The following SH3GL3 variants were observed in gnomAD, a reference collection of about 807,000 sequenced individuals.
SH3GL3 encodes endophilin-A3.
Under a neutral mutation model 47.7 loss-of-function variants are expected in SH3GL3, and 33 were observed. The observed-to-expected ratio is 0.69, with a 90% CI of 0.52 to 0.92. The LOEUF is 0.92. Ranked by LOEUF, SH3GL3 falls within the 40% of genes least tolerant of loss-of-function variation. The pLI, the probability that SH3GL3 is intolerant of heterozygous loss-of-function variation, is 0.00. For synonymous variants in SH3GL3, 155 were observed against 148.8 expected (o/e 1.04, Z -0.30); for missense variants, 363 against 417.8 (o/e 0.87, Z 1.14).
intron 1 of SH3GL3, among the ~76,000 whole-genome samples, chr15:83,466,417 T>C (rs1352803106): frequency 6.6e-6 from 1 of 151,754 alleles, no homozygotes; most frequent in Non-Finnish European, 1.5e-5. Flanking sequence ...TGTTAGAATA[T>C]ATATATATAT....
the SH3GL3 span, among the ~76,000 whole-genome samples, chr15:83,629,042 C>G: frequency 6.6e-6 from 1 of 152,044 alleles, no homozygotes; most frequent in African/African-American, 2.4e-5. Flanking sequence ...AGTATTTTAA[C>G]AAAAGATATG....
intron 1 of SH3GL3, among the ~76,000 whole-genome samples, chr15:83,472,173 T>C (rs911426225): frequency 1.3e-5 from 2 of 152,226 alleles, no homozygotes; most frequent in Non-Finnish European, 2.9e-5. Flanking sequence ...CGTGAGCCAC[T>C]GTGCCCGGCT....
chr15:83,516,277 A>G (rs1017963803), intron 1 of SH3GL3, among the ~76,000 whole-genome samples: 6 of 152,302 alleles, frequency 3.9e-5, no homozygotes, highest in East Asian at 1.9e-4. Flanking sequence ...GAACTAGGAC[A>G]TTGCTAGCAT....
chr15:83,450,378 A>T (rs963515982), intron 1 of SH3GL3, among the ~76,000 whole-genome samples: 8 of 152,230 alleles, frequency 5.3e-5, no homozygotes, highest in Non-Finnish European at 1.2e-4. Flanking sequence ...TCAGAGTAAG[A>T]CAAAGATGAT....
At chr15:83,616,115 CA>C (rs2060805767) in intron 8 of SH3GL3, among the ~76,000 whole-genome samples, 1 of 151,910 alleles carries the variant, frequency 6.6e-6, no homozygotes, top group Non-Finnish European at 1.5e-5. Context: ...ATGTTTGTAC[CA>C]GAAATGACAG....
intron 8 of SH3GL3, among the ~76,000 whole-genome samples, chr15:83,601,270 G>A (rs922149272): frequency 6.6e-6 from 1 of 152,174 alleles, no homozygotes; most frequent in Non-Finnish European, 1.5e-5. Context: ...TCCTTGTCTT[G>A]TTCCAGTTCT....
chr15:83,490,246 G>A (rs2041818203), intron 1 of SH3GL3, among the ~76,000 whole-genome samples: 1 of 150,962 alleles, frequency 6.6e-6, no homozygotes, highest in Non-Finnish European at 1.5e-5. Context: ...TGTTAACACT[G>A]CCCCTTTAGT....
At chr15:83,602,355 G>T (rs2060408523) in intron 8 of SH3GL3, among the ~76,000 whole-genome samples, 1 of 152,150 alleles carries the variant, frequency 6.6e-6, no homozygotes, top group Non-Finnish European at 1.5e-5. Context: ...AGACTGGGTA[G>T]CTTTTACTTA....
intron 1 of SH3GL3, among the ~76,000 whole-genome samples, chr15:83,482,588 G>C (rs1198690894): frequency 6.6e-6 from 1 of 151,726 alleles, no homozygotes; most frequent in Admixed American, 6.6e-5. Flanking sequence ...CCACCTCCCA[G>C]GTTCAAGCGA....
At chr15:83,476,098 AGTCAAATAGTAT>A (rs2041082390) in intron 1 of SH3GL3, among the ~76,000 whole-genome samples, 1 of 152,364 alleles carries the variant, frequency 6.6e-6, no homozygotes, top group South Asian at 2.1e-4. Context: ...TAGTATAAAC[AGTCAAATAGTAT>A]GTCAAATAGT....
At chr15:83,537,064 A>C (rs1032282564) in intron 1 of SH3GL3, among the ~76,000 whole-genome samples, 5 of 152,110 alleles carry the variant, frequency 3.3e-5, no homozygotes, top group African/African-American at 1.2e-4. Flanking sequence ...TACTGGAAGG[A>C]CTGAGTATAG....
chr15:83,566,359 AGAGAGAGTGTGT>A (rs1260403903), intron 3 of SH3GL3, among the ~76,000 whole-genome samples: 8 of 119,844 alleles, frequency 6.7e-5, no homozygotes, highest in African/African-American at 2.5e-4. Context: ...AGAGAGAGAG[AGAGAGAGTGTGT>A]GTGTGTGTGT....
intron 6 of SH3GL3, among the ~76,000 whole-genome samples, chr15:83,579,936 C>T (rs986914838): frequency 6.6e-6 from 1 of 152,196 alleles, no homozygotes; most frequent in South Asian, 2.1e-4. Flanking sequence ...GCTGGTCACT[C>T]CTTGGACCTG....
At chr15:83,605,880 A>C (rs1453270974) in intron 8 of SH3GL3, among the ~76,000 whole-genome samples, 1 of 152,190 alleles carries the variant, frequency 6.6e-6, no homozygotes, top group Non-Finnish European at 1.5e-5. Context: ...TGTAGCTCCC[A>C]GAAAACCACT....
intron 1 of SH3GL3, among the ~76,000 whole-genome samples, chr15:83,549,794 A>G (rs2044572914): frequency 1.3e-5 from 2 of 152,092 alleles, no homozygotes; most frequent in Middle Eastern, 3.4e-3. Context: ...GTGTATTCCA[A>G]TTTTTCTCTT....
At position 83,575,770 on chromosome 15, in the gene SH3GL3, G is replaced by C. The variant is rs552960155; in HGVS notation, c.466-813G>C. 1.7e-4 allele frequency among the ~76,000 whole-genome samples: 26 copies of C among 152,282 alleles called. No individual in the cohort carries two copies. In the East Asian group the frequency reaches 4.4e-3, roughly 26 times the overall value. On this transcript the variant is annotated intron_variant, in intron 5 of 8. Transcript: ENST00000427482. ...GCGAGCTATCCCCATGCTTCAGTGG[G>C]ATGATCAGTTTCTACATACACTTTC... is the stretch of plus-strand genomic sequence containing the variant.
rs543336386 is a variant in SH3GL3, at chr15:83,566,616, C to T, written c.187+1410C>T. Reference sequence around the variant, plus strand: ...GTAGCAAGACTCTATGTCTACAAAACATTTTCAAAATTAGCCAGGTGTGGT... The same window carrying T: ...GTAGCAAGACTCTATGTCTACAAAATATTTTCAAAATTAGCCAGGTGTGGT... On this transcript the variant is annotated intron_variant, in intron 3 of 8. Transcript: ENST00000427482. Among the ~76,000 whole-genome samples, 10 of 152,250 alleles carry T rather than the reference C, an allele frequency of 6.6e-5. No individual in the cohort carries two copies. The South Asian group carries it at 1.9e-3, about 28-fold the overall frequency.
At chr15:83,607,015 A>C (rs896752746) in intron 8 of SH3GL3, among the ~76,000 whole-genome samples, 3 of 152,202 alleles carry the variant, frequency 2.0e-5, no homozygotes, top group African/African-American at 7.2e-5. Context: ...TTATTTTCCA[A>C]TTTGAAGGAA....
intron 1 of SH3GL3, among the ~76,000 whole-genome samples, chr15:83,507,165 C>T (rs2042546032): frequency 6.6e-6 from 1 of 151,878 alleles, no homozygotes; most frequent in African/African-American, 2.4e-5. Flanking sequence ...ACCACCATGC[C>T]TGGCTAATTT....
Sources: allele counts gnomAD v4.1 joint callset (sites outside exome capture counted in the v4.1 genomes callset), GRCh38; gene constraint gnomAD v4.1.1; transcripts MANE v1.5; gene names NCBI Gene and HGNC (gene_info 2026-07-23, HGNC 2026-07-21).